FOXO1: variants seen among roughly 807,000 people sequenced by gnomAD.
The protein encoded by FOXO1 is forkhead box O1.
In FOXO1, 6 loss-of-function variants were observed where a neutral mutation model predicts 44.1. That is an observed-to-expected ratio of 0.14 (90% CI 0.07 to 0.27). The LOEUF (loss-of-function observed/expected upper bound fraction) is 0.27, where lower values mean the gene tolerates loss of function less well. FOXO1 is among the 10% of genes least tolerant of loss of function. The probability of loss-of-function intolerance (pLI) is 1.00; values close to 1 mark genes in which losing one functional copy is unlikely to be tolerated. For synonymous variants in FOXO1, 380 were observed against 362.7 expected (o/e 1.05, Z -0.54); for missense variants, 737 against 888.8 (o/e 0.83, Z 2.17).
At chr13:40,633,535 A>G (rs2137915044) in intron 1 of FOXO1, among the ~76,000 whole-genome samples, 1 of 152,370 alleles carries the variant, frequency 6.6e-6, no homozygotes, top group East Asian at 1.9e-4. Flanking sequence ...CACATATTGT[A>G]AAATGATACC....
intron 1 of FOXO1, among the ~76,000 whole-genome samples, chr13:40,630,405 A>G (rs1876922180): frequency 6.6e-6 from 1 of 152,148 alleles, no homozygotes; most frequent in Non-Finnish European, 1.5e-5. Context: ...CTGTAATCCT[A>G]GCATGCTGGG....
At chr13:40,621,930 G>A (rs1023065309) in intron 1 of FOXO1, among the ~76,000 whole-genome samples, 2 of 152,074 alleles carry the variant, frequency 1.3e-5, no homozygotes, top group African/African-American at 4.8e-5. Flanking sequence ...AAGCTTTTGG[G>A]CTAATACTGC....
chr13:40,609,354 CACTT>C (rs1876141445), intron 1 of FOXO1, among the ~76,000 whole-genome samples: 1 of 152,094 alleles, frequency 6.6e-6, no homozygotes, highest in Non-Finnish European at 1.5e-5. Flanking sequence ...GAGAGGCATA[CACTT>C]ACTTTGGAAA....
chr13:40,625,932 G>C (rs1015014701), intron 1 of FOXO1, among the ~76,000 whole-genome samples: 3 of 152,102 alleles, frequency 2.0e-5, no homozygotes, highest in Admixed American at 6.5e-5. Flanking sequence ...CCAGGTCCCT[G>C]ACCAGGGACC....
chr13:40,617,465 AC>A (rs1876467333), intron 1 of FOXO1, among the ~76,000 whole-genome samples: 1 of 152,064 alleles, frequency 6.6e-6, no homozygotes, highest in Admixed American at 6.6e-5. Flanking sequence ...GTGAAAGGTT[AC>A]TAAGAATGTT....
intron 1 of FOXO1, among the ~76,000 whole-genome samples, chr13:40,595,931 T>A (rs1033277954): frequency 7.4e-5 from 11 of 148,994 alleles, no homozygotes; most frequent in Non-Finnish European, 1.6e-4. Context: ...TGTAGAAATG[T>A]CAGCTAATTT....
chr13:40,609,875 C>T (rs911523296), intron 1 of FOXO1, among the ~76,000 whole-genome samples: 3 of 152,090 alleles, frequency 2.0e-5, no homozygotes, highest in Non-Finnish European at 4.4e-5. Context: ...ACAGTATTGG[C>T]AGTACCTGTG....
intron 1 of FOXO1, among the ~76,000 whole-genome samples, chr13:40,568,109 G>C (rs747518186): frequency 6.6e-6 from 1 of 152,122 alleles, no homozygotes; most frequent in Non-Finnish European, 1.5e-5. Context: ...CAGGGAAAGC[G>C]GAAAGGTCCC....
chr13:40,569,176 G>A lies in FOXO1; in HGVS notation c.631-8316C>T, dbSNP rs756146383. ...GGAGATTATGCTTGCATGTCAAATA[G>A]TACTAAAAAGACAAATGGAAGAACT... On this transcript the variant is annotated intron_variant, in intron 1 of 2. Transcript: ENST00000379561. Among the ~76,000 whole-genome samples the A allele has an allele frequency of 1.7e-3, 256 of 152,268 alleles. 2 individuals carry two copies. Among genetic ancestry groups the A allele is most frequent in the Non-Finnish European group, 1.5e-3 (103 of 68,034 alleles).
chr13:40,650,140 C>T (rs1022389802), intron 1 of FOXO1, among the ~76,000 whole-genome samples: 1 of 130,956 alleles, frequency 7.6e-6, no homozygotes, highest in African/African-American at 3.2e-5. Context: ...TCATGCCTCC[C>T]CTTTTTAGAC....
At chr13:40,637,237 G>A (rs1202033740) in intron 1 of FOXO1, among the ~76,000 whole-genome samples, 1 of 152,060 alleles carries the variant, frequency 6.6e-6, no homozygotes, top group Non-Finnish European at 1.5e-5. Context: ...GAGGTCAGGA[G>A]ATTGAGGCCA....
intron 1 of FOXO1, among the ~76,000 whole-genome samples, chr13:40,627,831 T>TAAAAAAAAAAAAAAACAAAA: frequency 7.9e-6 from 1 of 125,850 alleles, no homozygotes; most frequent in Non-Finnish European, 1.7e-5. Flanking sequence ...ATACTCCGGC[T>TAAAAAAAAAAAAAAACAAAA]AAAAAAAAAA....
chr13:40,571,127 C>T (rs1874474504), intron 1 of FOXO1, among the ~76,000 whole-genome samples: 1 of 151,370 alleles, frequency 6.6e-6, no homozygotes, highest in African/African-American at 2.4e-5. Flanking sequence ...GGTGGATATC[C>T]AGAGACTAAA....
intron 1 of FOXO1, among the ~76,000 whole-genome samples, chr13:40,650,296 C>G (rs1052685537): frequency 6.6e-6 from 1 of 152,114 alleles, no homozygotes; most frequent in African/African-American, 2.4e-5. Context: ...TTTACTGCAA[C>G]CTGTTTTACC....
chr13:40,563,931 G>C (rs1234667005), intron 1 of FOXO1, among the ~76,000 whole-genome samples: 1 of 152,180 alleles, frequency 6.6e-6, no homozygotes, highest in Non-Finnish European at 1.5e-5. Flanking sequence ...TGGAAGTCCA[G>C]GCATTTGCAC....
chr13:40,625,769 G>C (rs572462968), intron 1 of FOXO1, among the ~76,000 whole-genome samples: 1 of 152,206 alleles, frequency 6.6e-6, no homozygotes, highest in South Asian at 2.1e-4. Context: ...TAAGTCAGAG[G>C]AAAACATGGC....
At chr13:40,572,707 G>T (rs1400039802) in intron 1 of FOXO1, among the ~76,000 whole-genome samples, 3 of 152,174 alleles carry the variant, frequency 2.0e-5, no homozygotes, top group Non-Finnish European at 4.4e-5. Context: ...TTGGGCCCAG[G>T]TTTATGCTAA....
chr13:40,616,215 A>T (rs182315382), intron 1 of FOXO1, among the ~76,000 whole-genome samples: 12 of 152,320 alleles, frequency 7.9e-5, no homozygotes, highest in Non-Finnish European at 1.3e-4. Context: ...CAAAATGAAA[A>T]ACAAGTATCT....
At chr13:40,571,168 T>A (rs2137837299) in intron 1 of FOXO1, among the ~76,000 whole-genome samples, 1 of 152,014 alleles carries the variant, frequency 6.6e-6, no homozygotes, top group African/African-American at 2.4e-5. Context: ...TCTAAATGCC[T>A]TGTTTGAAGA....
Sources: allele counts gnomAD v4.1 joint callset (sites outside exome capture counted in the v4.1 genomes callset), GRCh38; gene constraint gnomAD v4.1.1; transcripts MANE v1.5; gene names NCBI Gene and HGNC (gene_info 2026-07-23, HGNC 2026-07-21).